TENM3: variants seen among roughly 807,000 people sequenced by gnomAD.
TENM3 encodes teneurin-3.
A neutral mutation model predicts 255.1 loss-of-function variants in TENM3; 63 were observed. The observed-to-expected ratio is 0.25, with a 90% CI of 0.20 to 0.30. TENM3 has a LOEUF of 0.30. TENM3 is among the 10% of genes least tolerant of loss of function. TENM3 has a pLI of 1.00. For missense variants in TENM3, 2,929 were observed against 3,461.1 expected, an observed-to-expected ratio of 0.85 and a Z score of 3.86; for synonymous variants, 1,306 against 1,322.3, an observed-to-expected ratio of 0.99 and a Z score of 0.27.
At chr4:182,274,559 G>A (rs1276419126) in intron 1 of TENM3, among the ~76,000 whole-genome samples, 3 of 152,176 alleles carry the variant, frequency 2.0e-5, no homozygotes, top group Non-Finnish European at 2.9e-5. Flanking sequence ...TCGCATGTTC[G>A]CCGTGTTCTA....
At chr4:182,515,107 T>G (rs1490174912) in intron 3 of TENM3, among the ~76,000 whole-genome samples, 1 of 152,194 alleles carries the variant, frequency 6.6e-6, no homozygotes, top group African/African-American at 2.4e-5. Context: ...TGATGATAAG[T>G]GAAAAAGCAA....
rs146185575 is a variant in TENM3 at position 182,171,862 on chromosome 4, G to A, written c.-76+27108G>A. On this transcript the variant is annotated intron_variant, in intron 1 of 2. Coordinates refer to the TENM3 transcript ENST00000512480. ...GCTTAATAACTGATTTTTATAAACC[G>A]TGCTTAGGTTTACTACGAATATATA... 2.1e-3 allele frequency among the ~76,000 whole-genome samples: 326 copies of A among 151,886 alleles called. 1 individual carries two copies. Among genetic ancestry groups the A allele is most frequent in the African/African-American group, 7.6e-3 (316 of 41,424 alleles).
chr4:181,468,787 T>C, the TENM3 span, among the ~76,000 whole-genome samples: 4 of 152,232 alleles, frequency 2.6e-5, no homozygotes, highest in African/African-American at 9.6e-5. Context: ...TTATTTTTGC[T>C]AGCATTTTGC....
At chr4:182,331,822 G>T (rs1013709851) in intron 2 of TENM3, among the ~76,000 whole-genome samples, 1 of 152,048 alleles carries the variant, frequency 6.6e-6, no homozygotes, top group Non-Finnish European at 1.5e-5. Flanking sequence ...TTCTTAAAAT[G>T]CGTACCTTAA....
chr4:181,798,652 G>C, the TENM3 span, among the ~76,000 whole-genome samples: 5 of 152,084 alleles, frequency 3.3e-5, no homozygotes, highest in African/African-American at 1.2e-4. Context: ...ATTGCTTCAC[G>C]TATCTCTGGT....
At chr4:181,866,847 C>T in the TENM3 span, among the ~76,000 whole-genome samples, 2 of 152,182 alleles carry the variant, frequency 1.3e-5, no homozygotes, top group Non-Finnish European at 2.9e-5. Context: ...TCTCTGATTG[C>T]TTCCTCCCTC....
chr4:181,802,623 C>G, the TENM3 span, among the ~76,000 whole-genome samples: 4 of 152,192 alleles, frequency 2.6e-5, no homozygotes, highest in Admixed American at 2.6e-4. Context: ...TCTTGATGCA[C>G]TTTTCCTCTG....
At chr4:181,738,162 G>C in the TENM3 span, among the ~76,000 whole-genome samples, 10 of 152,090 alleles carry the variant, frequency 6.6e-5, no homozygotes, top group Non-Finnish European at 1.0e-4. Flanking sequence ...TACTGCACGA[G>C]CTATATACCT....
the TENM3 span, among the ~76,000 whole-genome samples, chr4:182,011,929 T>A: frequency 7.2e-5 from 11 of 152,156 alleles, no homozygotes; most frequent in Admixed American, 6.5e-4. Context: ...AATAAACCAG[T>A]GTGTTATGGG....
chr4:182,775,315 G>A (rs1329645861), intron 24 of TENM3, among the ~76,000 whole-genome samples, 162 bp downstream of exon 24: 2 of 152,184 alleles, frequency 1.3e-5, no homozygotes, highest in African/African-American at 4.8e-5. Context: ...TCTGGCAGGT[G>A]CAGCTGGGGA....
At chr4:182,377,552 G>C (rs1390756201) in intron 3 of TENM3, among the ~76,000 whole-genome samples, 1 of 152,102 alleles carries the variant, frequency 6.6e-6, no homozygotes, top group Admixed American at 6.5e-5. Context: ...GACCTCAGGT[G>C]ATCCACCCGC....
chr4:181,845,036 A>G, the TENM3 span, among the ~76,000 whole-genome samples: 2 of 152,204 alleles, frequency 1.3e-5, no homozygotes, highest in South Asian at 4.1e-4. Flanking sequence ...ATAATTTGTT[A>G]TTCATGCAAT....
chr4:181,947,515 G>T, the TENM3 span, among the ~76,000 whole-genome samples: 2 of 152,108 alleles, frequency 1.3e-5, no homozygotes, highest in South Asian at 2.1e-4. Flanking sequence ...CTTAAAGATG[G>T]TTGATAAAAT....
the TENM3 span, among the ~76,000 whole-genome samples, chr4:181,981,042 C>A: frequency 6.6e-6 from 1 of 152,168 alleles, no homozygotes; most frequent in Middle Eastern, 3.4e-3. Context: ...GACTCCAACA[C>A]CCCCATGCGT....
chr4:181,612,512 G>C, the TENM3 span, among the ~76,000 whole-genome samples: 1 of 151,622 alleles, frequency 6.6e-6, no homozygotes, highest in African/African-American at 2.4e-5. Context: ...GTGTGTGTGT[G>C]TGTGTGTGTG....
chr4:182,066,639 G>A, the TENM3 span, among the ~76,000 whole-genome samples: 28 of 150,442 alleles, frequency 1.9e-4, no homozygotes, highest in East Asian at 4.9e-3. Flanking sequence ...GGCCAGGCGC[G>A]GTGGCTCATG....
the TENM3 span, among the ~76,000 whole-genome samples, chr4:181,696,538 A>G: frequency 1.3e-5 from 2 of 152,240 alleles, no homozygotes; most frequent in Non-Finnish European, 2.9e-5. Context: ...ATTATGTATC[A>G]CAACAGCTCA....
At position 182,792,801 on chromosome 4, in the gene TENM3, G is replaced by A; in HGVS notation, c.6129G>A (p.Leu2043=). ...VINETPLPID[L]YQFDDISGKV... ...ATGAAACGCCACTGCCTATTGATCT[G>A]TATCAGTTTGATGACATTTCTGGCA... Residue 2043 remains leucine (L), a synonymous_variant, in exon 26 of 28, where the codon CTG becomes CTA. Transcript: ENST00000511685. This position sits in a 1 kb window ranked among gnomAD's most constrained non-coding sequence, Gnocchi z 6.3. 1.2e-6 allele frequency: 2 copies of A among 1,613,974 alleles called. No homozygotes were observed. Among genetic ancestry groups the A allele is most frequent in the Non-Finnish European group, 1.7e-6 (2 of 1,179,894 alleles).
At chr4:182,203,165 C>T (rs969787029) in intron 1 of TENM3, among the ~76,000 whole-genome samples, 7 of 151,328 alleles carry the variant, frequency 4.6e-5, no homozygotes, top group East Asian at 3.9e-4. Flanking sequence ...TGCAGTGAGC[C>T]GAGATCGTGC....
Sources: allele counts gnomAD v4.1 joint callset (sites outside exome capture counted in the v4.1 genomes callset), GRCh38; gene constraint gnomAD v4.1.1; non-coding constraint Gnocchi (gnomAD v3.1); transcripts MANE v1.5; gene names NCBI Gene and HGNC (gene_info 2026-07-23, HGNC 2026-07-21).